Variants in LTBP1 observed in about 807,000 individuals in gnomAD.
LTBP1 encodes latent transforming growth factor beta binding protein 1.
In LTBP1, 129 loss-of-function variants were observed where a neutral mutation model predicts 207.6. The ratio of observed to expected loss-of-function variants is 0.62; its 90% CI spans 0.54 to 0.72. The LOEUF (loss-of-function observed/expected upper bound fraction) is 0.72, where lower values mean the gene tolerates loss of function less well. LTBP1 is among the 30% of genes least tolerant of loss of function. The pLI is 0.00. For missense variants in LTBP1, 2,281 were observed against 2,217.2 expected (o/e 1.03, Z -0.58); for synonymous variants, 963 against 833.7 (o/e 1.16, Z -2.67).
At chr2:33,009,008 G>A (rs1360407436) in intron 2 of LTBP1, among the ~76,000 whole-genome samples, 3 of 152,202 alleles carry the variant, frequency 2.0e-5, no homozygotes, top group Non-Finnish European at 4.4e-5. Context: ...GGGAGAGATG[G>A]CAGAGGTTTG....
intron 5 of LTBP1, among the ~76,000 whole-genome samples, chr2:33,164,452 A>G (rs2084749318): frequency 6.6e-6 from 1 of 151,650 alleles, no homozygotes; most frequent in South Asian, 2.1e-4. Flanking sequence ...AAAGAGCATT[A>G]ATGATATTGG....
At chr2:33,164,584 A>G (rs1161273362) in intron 5 of LTBP1, among the ~76,000 whole-genome samples, 1 of 152,174 alleles carries the variant, frequency 6.6e-6, no homozygotes, top group Non-Finnish European at 1.5e-5. Flanking sequence ...TTCTGATTAC[A>G]GAAAAAAGCA....
At chr2:33,038,497 TTCATGC>T (rs1220102240) in intron 3 of LTBP1, among the ~76,000 whole-genome samples, 1 of 152,244 alleles carries the variant, frequency 6.6e-6, no homozygotes, top group Non-Finnish European at 1.5e-5. Flanking sequence ...TTTCCCTGGA[TTCATGC>T]TCTCTGGTCG....
intron 31 of LTBP1, among the ~76,000 whole-genome samples, chr2:33,382,546 G>A (rs1388297347): frequency 3.3e-5 from 5 of 152,074 alleles, no homozygotes; most frequent in Admixed American, 6.5e-5. Context: ...TTTAGTCATC[G>A]TCTCTGTGAT....
At chr2:33,021,275 T>C (rs1558524726) in intron 3 of LTBP1, 69 bp downstream of exon 3, 2 of 1,395,956 alleles carry the variant, frequency 1.4e-6, no homozygotes, top group East Asian at 4.6e-5. Flanking sequence ...TTGCTTTAAA[T>C]CACTGTCCCT....
intron 32 of LTBP1, among the ~76,000 whole-genome samples, chr2:33,390,278 G>A (rs1205117455): frequency 2.0e-5 from 3 of 152,146 alleles, no homozygotes; most frequent in Admixed American, 6.5e-5. Context: ...CCTTTAGAAC[G>A]TAAATGTTGT....
At chr2:33,308,412 A>C (rs910906639) in intron 22 of LTBP1, among the ~76,000 whole-genome samples, 5 of 152,226 alleles carry the variant, frequency 3.3e-5, no homozygotes, top group Admixed American at 6.5e-5. Context: ...CTGCTGAATA[A>C]GTGACTTAAA....
intron 2 of LTBP1, among the ~76,000 whole-genome samples, chr2:32,954,087 G>C (rs897906949): frequency 6.6e-5 from 10 of 152,166 alleles, no homozygotes; most frequent in Non-Finnish European, 1.5e-4. Context: ...ATTCCAGACA[G>C]TGGGGCAGTG....
At chr2:33,051,012 C>T (rs890936949) in intron 3 of LTBP1, among the ~76,000 whole-genome samples, 5 of 152,240 alleles carry the variant, frequency 3.3e-5, no homozygotes, top group South Asian at 2.1e-4. Context: ...TGTGAGCCAC[C>T]GCGCCCGGCC....
chr2:33,033,007 G>T (rs940031858), intron 3 of LTBP1, among the ~76,000 whole-genome samples: 1 of 152,124 alleles, frequency 6.6e-6, no homozygotes, highest in South Asian at 2.1e-4. Context: ...AATAATTTAG[G>T]ATGTTCATGA....
chr2:33,108,001 G>C (rs2080163609), intron 3 of LTBP1, among the ~76,000 whole-genome samples: 1 of 152,192 alleles, frequency 6.6e-6, no homozygotes, highest in South Asian at 2.1e-4. Context: ...AGGAAAGGAA[G>C]AAGTAAAGAG....
intron 22 of LTBP1, among the ~76,000 whole-genome samples, chr2:33,304,634 C>T (rs975391232): frequency 2.6e-5 from 4 of 152,188 alleles, no homozygotes; most frequent in African/African-American, 9.7e-5. Context: ...TCTCAGCTTT[C>T]AAAGGCTCTG....
intron 2 of LTBP1, among the ~76,000 whole-genome samples, chr2:32,997,169 G>C (rs767998438): frequency 2.6e-5 from 4 of 152,044 alleles, no homozygotes; most frequent in Non-Finnish European, 5.9e-5. Context: ...ACAGGTGTGA[G>C]CTACTGCACC....
intron 3 of LTBP1, among the ~76,000 whole-genome samples, chr2:33,083,581 C>T (rs1280815342): frequency 1.3e-5 from 2 of 152,100 alleles, no homozygotes; most frequent in Non-Finnish European, 2.9e-5. Flanking sequence ...AGCATGGTCC[C>T]TGCAGGGGTG....
intron 11 of LTBP1, among the ~76,000 whole-genome samples, chr2:33,253,704 G>A (rs895502283): frequency 3.9e-5 from 6 of 152,050 alleles, no homozygotes; most frequent in African/African-American, 1.4e-4. Flanking sequence ...CACCATAGCA[G>A]ACAAGATTTA....
chr2:33,234,768 A>G (rs965784403), intron 9 of LTBP1, among the ~76,000 whole-genome samples: 10 of 152,158 alleles, frequency 6.6e-5, no homozygotes, highest in African/African-American at 2.4e-4. Flanking sequence ...AACCAAGACA[A>G]TCCTAAGGAA....
intron 4 of LTBP1, among the ~76,000 whole-genome samples, chr2:33,121,298 A>G (rs922302532): frequency 3.3e-5 from 5 of 151,780 alleles, no homozygotes; most frequent in African/African-American, 1.2e-4. Flanking sequence ...CTGAATGAAA[A>G]TATTTTAAAT....
intron 13 of LTBP1, among the ~76,000 whole-genome samples, chr2:33,259,827 A>G (rs531401708): frequency 1.3e-5 from 2 of 152,302 alleles, no homozygotes; most frequent in Non-Finnish European, 2.9e-5. Context: ...TAGAGAACAA[A>G]TAGGACAAAA....
At chr2:33,379,489 C>T (rs1333803690) in intron 31 of LTBP1, among the ~76,000 whole-genome samples, 1 of 152,160 alleles carries the variant, frequency 6.6e-6, no homozygotes, top group Admixed American at 6.5e-5. Context: ...GATTCATAGG[C>T]ATGAGCCACC....
Sources: allele counts gnomAD v4.1 joint callset (sites outside exome capture counted in the v4.1 genomes callset), GRCh38; gene constraint gnomAD v4.1.1; transcripts MANE v1.5; gene names NCBI Gene and HGNC (gene_info 2026-07-23, HGNC 2026-07-21).